Variants in FHL2 observed in about 807,000 individuals in gnomAD.
The protein encoded by FHL2 is four and a half LIM domains protein 2.
Under a neutral mutation model 32.7 loss-of-function variants are expected in FHL2, and 20 were observed. The observed-to-expected ratio is 0.61, with a 90% CI of 0.43 to 0.89. FHL2 has a LOEUF of 0.89. FHL2 is among the 40% of genes least tolerant of loss of function. The pLI is 0.00. For synonymous variants in FHL2, 123 were observed against 128.1 expected, an observed-to-expected ratio of 0.96 and a Z score of 0.27; for missense variants, 311 against 358.6, an observed-to-expected ratio of 0.87 and a Z score of 1.07.
At chr2:105,412,754 G>A (rs1558726541) in intron 1 of FHL2, among the ~76,000 whole-genome samples, 1 of 152,178 alleles carries the variant, frequency 6.6e-6, no homozygotes, top group Non-Finnish European at 1.5e-5. Flanking sequence ...AGCCAGAGGC[G>A]GGGGCAGTGA....
At chr2:105,384,436 G>A (rs937447633) in intron 3 of FHL2, among the ~76,000 whole-genome samples, 3 of 152,172 alleles carry the variant, frequency 2.0e-5, no homozygotes, top group African/African-American at 7.2e-5. Context: ...AGAAGAGTAC[G>A]AGTGCGAGTG....
chr2:105,368,325 C>A (rs908210771), intron 4 of FHL2, among the ~76,000 whole-genome samples: 5 of 152,094 alleles, frequency 3.3e-5, no homozygotes, highest in African/African-American at 1.2e-4. Flanking sequence ...TAATTAAAAC[C>A]TACATGTAGT....
upstream of FHL2, chr2:105,399,589 C>T (rs1683387166): frequency 1.3e-6 from 2 of 1,533,880 alleles, no homozygotes; most frequent in African/African-American, 2.7e-5. Flanking sequence ...AAGGAAGGTC[C>T]TATCCCCACC....
upstream of FHL2, among the ~76,000 whole-genome samples, chr2:105,402,341 G>A (rs1428655633): frequency 2.0e-5 from 3 of 151,852 alleles, no homozygotes; most frequent in African/African-American, 4.8e-5. Flanking sequence ...CTGCCTCCCA[G>A]GTGCAAGCGA....
intron 1 of FHL2, among the ~76,000 whole-genome samples, chr2:105,411,720 G>A (rs1683799307): frequency 6.6e-6 from 1 of 151,656 alleles, no homozygotes; most frequent in South Asian, 2.1e-4. Context: ...AGCTCAGAAG[G>A]CTGAGACAGG....
At chr2:105,420,181 G>A (rs953708459) in intron 1 of FHL2, among the ~76,000 whole-genome samples, 2 of 152,168 alleles carry the variant, frequency 1.3e-5, no homozygotes, top group South Asian at 4.1e-4. Flanking sequence ...GTGTCAGCAG[G>A]GTTGGTCCCT....
intron 3 of FHL2, among the ~76,000 whole-genome samples, chr2:105,383,208 A>AATTT (rs1378105722): frequency 6.6e-6 from 1 of 152,200 alleles, no homozygotes; most frequent in East Asian, 1.9e-4. Context: ...TAGTTGGTTG[A>AATTT]ATTTTTGAAG....
chr2:105,418,573 C>A (rs909724570), intron 1 of FHL2, among the ~76,000 whole-genome samples: 3 of 152,208 alleles, frequency 2.0e-5, no homozygotes, highest in Admixed American at 1.3e-4. Context: ...TTCCGTTCTG[C>A]ACTTTACATT....
At chr2:105,435,686 G>A (rs1684587456) in intron 1 of FHL2, among the ~76,000 whole-genome samples, 2 of 152,150 alleles carry the variant, frequency 1.3e-5, no homozygotes, top group Non-Finnish European at 2.9e-5. Flanking sequence ...GCCGGACATG[G>A]TGGCAGGCGC....
At position 105,398,923 on chromosome 2, in the gene FHL2, A is replaced by G; in HGVS notation, c.-157T>C. ...CCCCCACTTCCGAGCCCTGGTGGCT[A>G]AGCCCCTCGGCCTCCCTCCGGGGCG... On this transcript the variant is annotated 5_prime_UTR_variant, in exon 1 of 7. Coordinates refer to ENST00000530340, the MANE Select transcript of FHL2 (RefSeq NM_001318895.3). 1.9e-6 allele frequency: 3 copies of G among 1,540,124 alleles called. No homozygotes were observed. Among genetic ancestry groups the G allele is most frequent in the South Asian group, 2.5e-5 (2 of 81,400 alleles).
At chr2:105,369,292 T>C (rs912097184) in intron 4 of FHL2, among the ~76,000 whole-genome samples, 21 of 152,216 alleles carry the variant, frequency 1.4e-4, no homozygotes, top group Non-Finnish European at 2.6e-4. Context: ...GACTAGTCCA[T>C]AGCTCTCAGC....
intron 1 of FHL2, among the ~76,000 whole-genome samples, chr2:105,406,216 C>T (rs1319776627): frequency 1.3e-5 from 2 of 152,218 alleles, no homozygotes; most frequent in Non-Finnish European, 2.9e-5. Flanking sequence ...TGACCTTCAG[C>T]ATCTCCTGGC....
intron 2 of FHL2, among the ~76,000 whole-genome samples, chr2:105,389,163 A>C (rs946474596): frequency 1.1e-4 from 16 of 152,218 alleles, no homozygotes; most frequent in African/African-American, 3.9e-4. Context: ...GTCCTTCTAA[A>C]TCACTCTTCC....
chr2:105,404,044 C>T (rs2104646214), upstream of FHL2, among the ~76,000 whole-genome samples: 1 of 152,242 alleles, frequency 6.6e-6, no homozygotes, highest in Admixed American at 6.5e-5. Context: ...TGTGCAGGGG[C>T]CAACAGTAGC....
At chr2:105,417,465 G>A (rs1233669409) in intron 1 of FHL2, among the ~76,000 whole-genome samples, 2 of 152,042 alleles carry the variant, frequency 1.3e-5, no homozygotes, top group African/African-American at 2.4e-5. Flanking sequence ...CGGGCAGATT[G>A]TCTGAGCTCA....
At chr2:105,435,849 A>C (rs2104689596) in intron 1 of FHL2, among the ~76,000 whole-genome samples, 1 of 152,236 alleles carries the variant, frequency 6.6e-6, no homozygotes, top group Middle Eastern at 3.4e-3. Context: ...ATAAACAAAC[A>C]AACAATAAAA....
intron 2 of FHL2, among the ~76,000 whole-genome samples, chr2:105,387,962 G>A (rs1036651623): frequency 1.3e-5 from 2 of 152,172 alleles, no homozygotes; most frequent in Non-Finnish European, 1.5e-5. Flanking sequence ...GCAGGAACAC[G>A]GATGGAGCTG....
At chr2:105,370,648 T>C (rs756611272) in intron 4 of FHL2, among the ~76,000 whole-genome samples, 4 of 152,212 alleles carry the variant, frequency 2.6e-5, no homozygotes, top group Non-Finnish European at 5.9e-5. Flanking sequence ...AGCTGTGCAC[T>C]GACGCTGTAA....
Position 105,384,995 on chromosome 2 carries a change from G to A in FHL2, c.156+1366C>T, listed in dbSNP as rs566046755. Among the ~76,000 whole-genome samples the A allele has an allele frequency of 4.6e-5, 7 of 152,336 alleles. No individual in the cohort carries two copies. The South Asian group carries it at 1.2e-3, about 27-fold the overall frequency. ...AAAGTCGTCAGGTGCAGTGAGACAC[G>A]CAGCAGGCAAGACAGGATACAGGAA... is the stretch of plus-strand genomic sequence containing the variant. On this transcript the variant is annotated intron_variant, in intron 3 of 6. Transcript: ENST00000530340.
Sources: allele counts gnomAD v4.1 joint callset (sites outside exome capture counted in the v4.1 genomes callset), GRCh38; gene constraint gnomAD v4.1.1; transcripts MANE v1.5; gene names NCBI Gene and HGNC (gene_info 2026-07-23, HGNC 2026-07-21).